Variants in NRN1 observed in about 807,000 individuals in gnomAD.
NRN1 encodes neuritin.
In NRN1, 4 loss-of-function variants were observed where a neutral mutation model predicts 15.0. The ratio of observed to expected loss-of-function variants is 0.27; its 90% CI spans 0.13 to 0.61. The LOEUF is 0.61. Among genes scored for constraint, NRN1 ranks in the 20% least tolerant of loss-of-function variants. The probability of loss-of-function intolerance (pLI) is 0.87; values close to 1 mark genes in which losing one functional copy is unlikely to be tolerated. For missense variants in NRN1, 134 were observed against 181.9 expected (o/e 0.74, Z 1.51); for synonymous variants, 85 against 79.8 (o/e 1.07, Z -0.35).
chr6:6,003,235 GCCTGGACGTCCTGAGA>G, intron 1 of NRN1: 5 of 1,234,592 alleles, frequency 4.0e-6, no homozygotes, highest in Non-Finnish European at 4.0e-6. Flanking sequence ...AAAGAGGGCA[GCCTGGACGTCCTGAGA>G]CCTGGCGCGG....
At chr6:6,004,636 C>T (rs946223607) in intron 1 of NRN1, among the ~76,000 whole-genome samples, 2 of 152,202 alleles carry the variant, frequency 1.3e-5, no homozygotes, top group African/African-American at 4.8e-5. Flanking sequence ...AACTGTGACT[C>T]CTTGGACTCT....
At chr6:6,001,811 G>C (rs1432903520) in intron 2 of NRN1, among the ~76,000 whole-genome samples, 1 of 152,154 alleles carries the variant, frequency 6.6e-6, no homozygotes, top group Non-Finnish European at 1.5e-5. Flanking sequence ...GCATTTCCTT[G>C]GTGTGTATTA....
At chr6:6,003,731 C>A in intron 1 of NRN1, 2 of 1,234,338 alleles carry the variant, frequency 1.6e-6, no homozygotes, top group Non-Finnish European at 2.0e-6. Context: ...CTGTGGCCAT[C>A]TCTTTCCGCC....
chr6:6,004,229 T>C (rs1000457735), intron 1 of NRN1, among the ~76,000 whole-genome samples: 2 of 152,208 alleles, frequency 1.3e-5, no homozygotes, highest in Admixed American at 1.3e-4. Context: ...TAAATACCCT[T>C]GCGACTACAA....
rs899471662 is a variant in NRN1 at position 6,003,795 on chromosome 6, C to G, written c.56-1298G>C. ...GAGTGCCTAGCGGCCCAAAGCAGCC[C>G]GGGCGCCGGGAGGGCGCCAGAGAAG... On this transcript the variant is annotated intron_variant, in intron 1 of 2. Transcript: ENST00000244766. The G allele has an allele frequency of 8.9e-6, 11 of 1,233,910 alleles. No individual in the cohort carries two copies. The South Asian group carries it at 2.5e-4, about 28-fold the overall frequency. The allele number at this position is 1,233,910 out of a possible 1,614,324, so 76.4% of individuals were successfully genotyped here.
chr6:6,001,018 A>G (rs541547766), intron 2 of NRN1, among the ~76,000 whole-genome samples: 121 of 152,256 alleles, frequency 7.9e-4, no homozygotes, highest in Non-Finnish European at 1.3e-3. Flanking sequence ...TCTATATGCA[A>G]CCTTTTGTTA....
At chr6:6,004,142 C>G in intron 1 of NRN1, 1 of 643,130 alleles carries the variant, frequency 1.6e-6, no homozygotes, top group Non-Finnish European at 2.0e-6. Context: ...GGGGAAGGGA[C>G]CGAGGTTAAC....
At chr6:6,005,070 C>T (rs1439978366) in intron 1 of NRN1, among the ~76,000 whole-genome samples, 2 of 152,082 alleles carry the variant, frequency 1.3e-5, no homozygotes, top group African/African-American at 2.4e-5. Flanking sequence ...AACAAATAGT[C>T]ATTTTTGGAC....
intron 1 of NRN1, chr6:6,003,329 A>G: frequency 9.3e-7 from 1 of 1,076,006 alleles, no homozygotes; most frequent in Admixed American, 4.3e-5. Context: ...TGCCTGGGTC[A>G]CCTCCGCAAA....
intron 1 of NRN1, 82 bp downstream of exon 1, chr6:6,006,613 C>T (rs1758116434): frequency 1.4e-6 from 2 of 1,393,382 alleles, no homozygotes; most frequent in African/African-American, 1.4e-5. Context: ...CGGCCGCGGA[C>T]CCGCTAGTCC....
chr6:6,003,577 G>T, intron 1 of NRN1: 1 of 635,606 alleles, frequency 1.6e-6, no homozygotes, highest in Non-Finnish European at 2.2e-6. Context: ...AGGGATAAAA[G>T]CTGAGCGGCG....
chr6:6,002,137 C>G (rs1757965273), intron 2 of NRN1, among the ~76,000 whole-genome samples: 1 of 152,230 alleles, frequency 6.6e-6, no homozygotes, highest in South Asian at 2.1e-4. Context: ...GATCCTCCTC[C>G]ATATCCCACC....
rs1042368421 is a variant in NRN1, at chr6:6,004,786, C to T, written c.55+1909G>A. ...GAGACTCTAGCGGGTGACCCTGGCT[C>T]CTTCCCTGTCCTCTCTGCCGTCCCC... On this transcript the variant is annotated intron_variant, in intron 1 of 2. Coordinates refer to ENST00000244766, the MANE Select transcript of NRN1 (RefSeq NM_016588.3). Among the ~76,000 whole-genome samples, 5 of 152,206 alleles carry T rather than the reference C, an allele frequency of 3.3e-5. No homozygotes were observed. In the South Asian group the frequency reaches 8.3e-4, roughly 25 times the overall value.
intron 1 of NRN1, chr6:6,004,099 C>T (rs1385802204): frequency 2.9e-6 from 3 of 1,031,560 alleles, no homozygotes; most frequent in Non-Finnish European, 3.5e-6. Context: ...GCGAGGCGGG[C>T]CTTGCGCTTT....
At chr6:6,006,197 A>G (rs1758105023) in intron 1 of NRN1, among the ~76,000 whole-genome samples, 1 of 151,822 alleles carries the variant, frequency 6.6e-6, no homozygotes, top group Non-Finnish European at 1.5e-5. Context: ...GCTAGGATAT[A>G]GGGGGGAGGA....
intron 1 of NRN1, 150 bp from the exon 2 acceptor site, chr6:6,002,647 T>C: frequency 9.4e-7 from 1 of 1,063,222 alleles, no homozygotes. Flanking sequence ...GTGTTAAAGG[T>C]GAATGAAAGA....
chr6:5,998,960 G>C lies in NRN1; in HGVS notation c.*16C>G, dbSNP rs761862314. The C allele has an allele frequency of 6.3e-7, 1 of 1,588,680 alleles. No individual in the cohort carries two copies. The highest frequency in any genetic ancestry group is 2.3e-5 in the East Asian group (1 of 44,430). ...AGTGAGTGTGGGTGGGCGCGCGGGG[G>C]GAGCTGGCCCCACGCTCAGAAGGAA... On this transcript the variant is annotated 3_prime_UTR_variant, in exon 3 of 3. Coordinates refer to ENST00000244766, the MANE Select transcript of NRN1 (RefSeq NM_016588.3).
At position 5,998,492 on chromosome 6, in the gene NRN1, G is replaced by A. The variant is rs1409239734; in HGVS notation, c.*484C>T. 5.9e-5 allele frequency: 9 copies of A among 153,524 alleles called. No homozygotes were observed. The highest frequency in any genetic ancestry group is 1.9e-4 in the African/African-American group (8 of 41,434). 9.5% of individuals were successfully genotyped at this position (153,524 alleles called of 1,614,324 possible). On this transcript the variant is annotated 3_prime_UTR_variant, in exon 3 of 3. Coordinates refer to ENST00000244766, the MANE Select transcript of NRN1 (RefSeq NM_016588.3). ...AAGATACTGTGGAAGAACGACGTGA[G>A]CGTGAATTATTCACCGTATGTTTCG... is the stretch of plus-strand genomic sequence containing the variant.
At position 6,000,659 on chromosome 6, in the gene NRN1, G is replaced by A. The variant is rs111329525; in HGVS notation, c.201-1455C>T. Among the ~76,000 whole-genome samples, 1,081 of 151,598 alleles carry A rather than the reference G, an allele frequency of 7.1e-3. 17 individuals carry two copies. The highest frequency in any genetic ancestry group is 0.024 in the African/African-American group (1,010 of 41,296). ...AACATTTGGACATTAGGAGGCCCAG[G>A]GAGGACAGCTTTCCTGCAGACTGTC... On this transcript the variant is annotated intron_variant, in intron 2 of 2. Coordinates refer to ENST00000244766, the MANE Select transcript of NRN1 (RefSeq NM_016588.3).
Sources: gnomAD v4.1 joint callset for allele counts (sites outside exome capture counted in the v4.1 genomes callset) on GRCh38, gnomAD v4.1.1 for gene constraint, MANE v1.5 for transcripts, NCBI Gene and HGNC (gene_info 2026-07-23, HGNC 2026-07-21) for gene names.